The following CCDC85A variants were observed in gnomAD, a reference collection of about 807,000 sequenced individuals.
CCDC85A encodes coiled-coil domain-containing protein 85A.
A neutral mutation model predicts 50.2 loss-of-function variants in CCDC85A; 38 were observed. The observed-to-expected ratio is 0.76, with a 90% CI of 0.58 to 0.99. The LOEUF (loss-of-function observed/expected upper bound fraction) is 0.99. CCDC85A is among the 50% of genes least tolerant of loss of function. The pLI, the probability that CCDC85A is intolerant of heterozygous loss-of-function variation, is 0.00. For synonymous variants in CCDC85A, 366 were observed against 301.4 expected (o/e 1.21, Z -2.22); for missense variants, 820 against 742.0 (o/e 1.11, Z -1.22).
chr2:56,378,688 A>T (rs1676450187), intron 5 of CCDC85A, among the ~76,000 whole-genome samples: 1 of 152,170 alleles, frequency 6.6e-6, no homozygotes, highest in Admixed American at 6.5e-5. Flanking sequence ...ACAGGATCGA[A>T]CTCTAGTTAG....
chr2:56,236,801 A>T (rs1197679776), intron 2 of CCDC85A, among the ~76,000 whole-genome samples: 1 of 151,964 alleles, frequency 6.6e-6, no homozygotes, highest in East Asian at 1.9e-4. Flanking sequence ...CATTTGCACA[A>T]ATTTCTCAGG....
intron 2 of CCDC85A, among the ~76,000 whole-genome samples, chr2:56,284,771 T>C (rs1411176605): frequency 6.6e-6 from 1 of 152,220 alleles, no homozygotes; most frequent in African/African-American, 2.4e-5. Context: ...GTTCTTTTCT[T>C]ATGCACATAA....
Position 56,372,357 on chromosome 2 carries a change from G to A in CCDC85A, c.1331G>A (p.Arg444Lys), listed in dbSNP as rs765982680. Residue 444 changes from arginine (R) to lysine (K), a missense_variant, in exon 4 of 6, where the codon AGA becomes AAA. Transcript: ENST00000407595. Reference sequence around the variant, plus strand: ...TCCAAATATAAGGCCAGCCAGAATAGAAGGCAACCTCCAACTAGAAACAGC... The same window carrying A: ...TCCAAATATAAGGCCAGCCAGAATAAAAGGCAACCTCCAACTAGAAACAGC... Reference protein sequence around the residue: ...NRMLPQASQNRRQPPTRNSSN... With the variant: ...NRMLPQASQNKRQPPTRNSSN... 1.8e-5 allele frequency: 28 copies of A among 1,582,078 alleles called. 1 individual carries two copies. The highest frequency in any genetic ancestry group is 2.1e-5 in the Non-Finnish European group (25 of 1,163,538).
intron 2 of CCDC85A, among the ~76,000 whole-genome samples, chr2:56,325,875 C>G (rs900181065): frequency 5.9e-5 from 9 of 152,100 alleles, no homozygotes; most frequent in Admixed American, 3.9e-4. Context: ...GCCATTTTCA[C>G]TTTGGCTGAC....
chr2:56,310,952 A>G (rs1436598718), intron 2 of CCDC85A, among the ~76,000 whole-genome samples: 6 of 152,182 alleles, frequency 3.9e-5, no homozygotes, highest in Admixed American at 3.9e-4. Flanking sequence ...AGGAACTCTT[A>G]GTCCTTGCAA....
intron 1 of CCDC85A, among the ~76,000 whole-genome samples, chr2:56,186,162 G>T (rs945247967): frequency 1.3e-5 from 2 of 152,182 alleles, no homozygotes; most frequent in African/African-American, 4.8e-5. Context: ...GTGGGTGCAG[G>T]TAGGAAGATT....
chr2:56,260,770 A>C (rs1670183829), intron 2 of CCDC85A, among the ~76,000 whole-genome samples: 1 of 152,234 alleles, frequency 6.6e-6, no homozygotes. Flanking sequence ...TACTTTAGTA[A>C]AGGAAAAGGT....
At chr2:56,329,288 C>G (rs903168230) in intron 2 of CCDC85A, among the ~76,000 whole-genome samples, 3 of 152,152 alleles carry the variant, frequency 2.0e-5, no homozygotes, top group Non-Finnish European at 2.9e-5. Flanking sequence ...TGATGTAGAT[C>G]TAAGCTAAAG....
intron 2 of CCDC85A, among the ~76,000 whole-genome samples, chr2:56,225,852 G>A (rs773761613): frequency 7.9e-5 from 12 of 152,048 alleles, no homozygotes; most frequent in Non-Finnish European, 1.6e-4. Flanking sequence ...GCTTCATAGC[G>A]TAAATCTCCT....
chr2:56,250,688 A>C (rs1231024728), intron 2 of CCDC85A, among the ~76,000 whole-genome samples: 1 of 152,136 alleles, frequency 6.6e-6, no homozygotes, highest in African/African-American at 2.4e-5. Flanking sequence ...CAAATTGCTA[A>C]TGTGTGCTTC....
At chr2:56,187,596 C>T (rs759421170) in intron 1 of CCDC85A, among the ~76,000 whole-genome samples, 33 of 152,298 alleles carry the variant, frequency 2.2e-4, no homozygotes, top group Non-Finnish European at 4.1e-4. Flanking sequence ...TTTAATTCCA[C>T]ATGAGGTTTT....
intron 2 of CCDC85A, among the ~76,000 whole-genome samples, chr2:56,214,880 T>C (rs913860230): frequency 6.6e-6 from 1 of 151,942 alleles, no homozygotes; most frequent in Non-Finnish European, 1.5e-5. Flanking sequence ...ACTTAAACTT[T>C]AGAATCAGTT....
intron 2 of CCDC85A, among the ~76,000 whole-genome samples, chr2:56,330,840 A>G (rs1673753394): frequency 6.6e-6 from 1 of 152,176 alleles, no homozygotes; most frequent in African/African-American, 2.4e-5. Context: ...TAAAAATAGA[A>G]CTACCATTTG....
chr2:56,217,350 G>A (rs2103896034), intron 2 of CCDC85A, among the ~76,000 whole-genome samples: 1 of 151,980 alleles, frequency 6.6e-6, no homozygotes, highest in South Asian at 2.1e-4. Context: ...TCTGATGTTG[G>A]AGGAGGAGCA....
chr2:56,373,138 A>G (rs546529403), intron 4 of CCDC85A, among the ~76,000 whole-genome samples: 111 of 152,338 alleles, frequency 7.3e-4, no homozygotes, highest in Non-Finnish European at 1.0e-3. Flanking sequence ...ATTGCAGTCT[A>G]GAAAAATTAT....
At chr2:56,222,110 G>A (rs1199144059) in intron 2 of CCDC85A, among the ~76,000 whole-genome samples, 3 of 151,930 alleles carry the variant, frequency 2.0e-5, no homozygotes, top group South Asian at 2.1e-4. Flanking sequence ...CTGTTGCTTC[G>A]GGGGTTAAGT....
At chr2:56,245,235 C>A (rs1403448223) in intron 2 of CCDC85A, among the ~76,000 whole-genome samples, 1 of 152,236 alleles carries the variant, frequency 6.6e-6, no homozygotes, top group Non-Finnish European at 1.5e-5. Flanking sequence ...CTTGCTGAAA[C>A]TCAAGTTCCA....
rs775386665 is a variant in CCDC85A, at chr2:56,192,893, T to C, written c.693T>C (p.Ser231=). Reference sequence around the variant, plus strand: ...ACCACCACAAGCACCACGCGAGCAGTGGCAGCCCGGAGCACCTGCAGAAGC... The same window carrying C: ...ACCACCACAAGCACCACGCGAGCAGCGGCAGCCCGGAGCACCTGCAGAAGC... The part of the protein sequence containing the change: ...SPDHHKHHAS[S]GSPEHLQKPR... Residue 231 remains serine (S), a synonymous_variant, in exon 2 of 6, where the codon AGT becomes AGC. Coordinates refer to ENST00000407595, the MANE Select transcript of CCDC85A (RefSeq NM_001080433.2). This position sits in a 1 kb window ranked among gnomAD's most constrained non-coding sequence, Gnocchi z 4.7. 6.2e-6 allele frequency: 10 copies of C among 1,612,772 alleles called. No individual in the cohort carries two copies. In the East Asian group the frequency reaches 1.6e-4, roughly 25 times the overall value.
intron 2 of CCDC85A, among the ~76,000 whole-genome samples, chr2:56,249,218 A>G (rs929454965): frequency 6.6e-6 from 1 of 152,244 alleles, no homozygotes; most frequent in African/African-American, 2.4e-5. Context: ...GGCTGTCACT[A>G]TAGGAGCAGG....
Sources: allele counts gnomAD v4.1 joint callset (sites outside exome capture counted in the v4.1 genomes callset), GRCh38; gene constraint gnomAD v4.1.1; non-coding constraint Gnocchi (gnomAD v3.1); transcripts MANE v1.5; gene names NCBI Gene and HGNC (gene_info 2026-07-23, HGNC 2026-07-21).